The following EEIG1 variants were observed in gnomAD, a reference collection of about 807,000 sequenced individuals.
EEIG1 encodes the protein estrogen-induced osteoclastogenesis regulator 1.
chr9:127,953,415 TG>T, the EEIG1 span: 1 of 665,900 alleles, frequency 1.5e-6, no homozygotes, highest in Non-Finnish European at 2.7e-6. Flanking sequence ...TTATATTGAG[TG>T]CAAAGACCAT....
At chr9:127,973,473 C>T in the EEIG1 span, among the ~76,000 whole-genome samples, 3 of 152,206 alleles carry the variant, frequency 2.0e-5, no homozygotes, top group African/African-American at 7.2e-5. This position sits in a 1 kb window ranked among gnomAD's most constrained non-coding sequence, Gnocchi z 4.2. Context: ...AATAGCCTGG[C>T]TCCACGAAGC....
At chr9:127,978,685 CA>C in the EEIG1 span, among the ~76,000 whole-genome samples, 452 of 151,898 alleles carry the variant, frequency 3.0e-3, 3 homozygotes, top group Non-Finnish European at 5.1e-3. Context: ...ACTAAAAATA[CA>C]AAAAAATTAT....
the EEIG1 span, among the ~76,000 whole-genome samples, chr9:127,964,266 G>C: frequency 2.7e-4 from 41 of 152,332 alleles, no homozygotes; most frequent in Non-Finnish European, 4.1e-4. Flanking sequence ...TCAACAGAGG[G>C]AGGATGCAGA....
At chr9:127,948,447 A>G in the EEIG1 span, 1,507,010 of 1,612,268 alleles carry the variant, frequency 0.93, 709,813 homozygotes, top group Non-Finnish European at 0.97. Context: ...CTATGCCCTG[A>G]CCACCCACAG....
chr9:127,976,463 T>C, the EEIG1 span, among the ~76,000 whole-genome samples: 1 of 152,274 alleles, frequency 6.6e-6, no homozygotes, highest in Non-Finnish European at 1.5e-5. This position sits in a 1 kb window ranked among gnomAD's most constrained non-coding sequence, Gnocchi z 4.1. Context: ...AATTGCCATT[T>C]ACCACCTGGG....
At chr9:127,945,474 G>A in the EEIG1 span, 8 of 1,565,526 alleles carry the variant, frequency 5.1e-6, no homozygotes, top group Admixed American at 3.7e-5. This position sits in a 1 kb window ranked among gnomAD's most constrained non-coding sequence, Gnocchi z 6.5. Context: ...TCATGCCAAG[G>A]CCCCCAGAGG....
At chr9:127,951,525 A>G in the EEIG1 span, among the ~76,000 whole-genome samples, 1 of 152,110 alleles carries the variant, frequency 6.6e-6, no homozygotes, top group East Asian at 1.9e-4. Flanking sequence ...TGAGAAAACT[A>G]AGTTCACAGA....
the EEIG1 span, among the ~76,000 whole-genome samples, chr9:127,962,527 C>G: frequency 0.093 from 14,108 of 152,128 alleles, 709 homozygotes; most frequent in African/African-American, 0.11. Context: ...CCAGGGTCCT[C>G]AGAGCTGAGT....
the EEIG1 span, chr9:127,953,955 G>A: frequency 1.2e-6 from 2 of 1,612,486 alleles, no homozygotes; most frequent in South Asian, 1.1e-5. Flanking sequence ...GGTGAGCACA[G>A]GCACACACAT....
At chr9:127,976,383 G>A in the EEIG1 span, among the ~76,000 whole-genome samples, 1 of 152,216 alleles carries the variant, frequency 6.6e-6, no homozygotes, top group Non-Finnish European at 1.5e-5. This position sits in a 1 kb window ranked among gnomAD's most constrained non-coding sequence, Gnocchi z 4.1. Context: ...GAGGGGCTAG[G>A]CAAGCCCCTA....
At chr9:127,977,547 T>C in the EEIG1 span, among the ~76,000 whole-genome samples, 2 of 151,870 alleles carry the variant, frequency 1.3e-5, no homozygotes, top group African/African-American at 4.8e-5. Context: ...CTGGATCTGG[T>C]CCCCACCCCA....
the EEIG1 span, chr9:127,948,017 G>A: frequency 6.4e-7 from 1 of 1,566,078 alleles, no homozygotes; most frequent in Non-Finnish European, 8.7e-7. Context: ...ATGACATGGA[G>A]GTAAACCCCT....
chr9:127,943,615 G>C, the EEIG1 span: 2 of 252,722 alleles, frequency 7.9e-6, no homozygotes, highest in Non-Finnish European at 7.8e-6. Context: ...TTTCCCTGCC[G>C]AGCCCAGGCC....
the EEIG1 span, among the ~76,000 whole-genome samples, chr9:127,945,936 C>T: frequency 1.3e-5 from 2 of 152,354 alleles, no homozygotes; most frequent in Non-Finnish European, 2.9e-5. The surrounding 1 kb of genome is among the most constrained non-coding windows in gnomAD (Gnocchi z 6.5). Context: ...ACCCAGGTCC[C>T]TTCATTCCAC....
the EEIG1 span, chr9:127,980,070 G>A: frequency 6.2e-7 from 1 of 1,613,744 alleles, no homozygotes; most frequent in Non-Finnish European, 8.5e-7. Context: ...GAAGGGAACC[G>A]CAGTCAGCTC....
At chr9:127,973,712 G>C in the EEIG1 span, among the ~76,000 whole-genome samples, 1 of 152,294 alleles carries the variant, frequency 6.6e-6, no homozygotes, top group South Asian at 2.1e-4. The surrounding 1 kb of genome is among the most constrained non-coding windows in gnomAD (Gnocchi z 4.2). Context: ...TCGCTGCCCG[G>C]GCTGGCCTCT....
the EEIG1 span, among the ~76,000 whole-genome samples, chr9:127,960,037 G>A: frequency 6.6e-6 from 1 of 152,214 alleles, no homozygotes; most frequent in East Asian, 1.9e-4. Context: ...CAATAAAGCT[G>A]TTAAATACAT....
the EEIG1 span, chr9:127,944,624 A>G: frequency 6.2e-7 from 1 of 1,611,402 alleles, no homozygotes; most frequent in Non-Finnish European, 8.5e-7. Context: ...CCTGGTGGCA[A>G]GCTGGATGCC....
the EEIG1 span, chr9:127,947,980 A>C: frequency 7.1e-7 from 1 of 1,411,710 alleles, no homozygotes; most frequent in Non-Finnish European, 9.7e-7. Context: ...CTCTCCCCTC[A>C]GTCAGCGTCT....
Sources: allele counts gnomAD v4.1 joint callset (sites outside exome capture counted in the v4.1 genomes callset), GRCh38; gene constraint gnomAD v4.1.1; non-coding constraint Gnocchi (gnomAD v3.1); transcripts MANE v1.5; gene names NCBI Gene and HGNC (gene_info 2026-07-23, HGNC 2026-07-21).